RAB10: variants seen among roughly 807,000 people sequenced by gnomAD.
RAB10 encodes the protein ras-related protein Rab-10.
RAB10 carries 5 observed loss-of-function variants against 25.7 expected under a neutral mutation model. The observed-to-expected ratio is 0.19, with a 90% CI of 0.10 to 0.41. The LOEUF is 0.41. Among genes scored for constraint, RAB10 ranks in the 10% least tolerant of loss-of-function variants. The pLI is 1.00. For synonymous variants in RAB10, 89 were observed against 86.4 expected, an observed-to-expected ratio of 1.03 and a Z score of -0.16; for missense variants, 103 against 245.8, an observed-to-expected ratio of 0.42 and a Z score of 3.89.
In RAB10 at chr2:26,108,879, ATATTTATTTATT is replaced by A. The variant is rs72232011; in HGVS notation, c.189-851_189-840del. On this transcript the variant is annotated intron_variant, in intron 2 of 5. Coordinates refer to ENST00000264710, the MANE Select transcript of RAB10 (RefSeq NM_016131.5). ...GGTTGAGATTGGGGTCTTTTGCTTT[ATATTTATTTATT>A]TATTTATTTATTTATTTATTTATTT... is the stretch of plus-strand genomic sequence containing the variant. Among the ~76,000 whole-genome samples the A allele has an allele frequency of 2.0e-3, 277 of 139,606 alleles. 3 individuals carry two copies. The highest frequency in any genetic ancestry group is 3.3e-3 in the East Asian group (16 of 4,896). The allele number at this position is 139,606 out of a possible 152,430, so 91.6% of individuals were successfully genotyped here.
intron 1 of RAB10, among the ~76,000 whole-genome samples, chr2:26,081,119 CTT>C (rs1486110859): frequency 2.6e-5 from 4 of 152,182 alleles, no homozygotes; most frequent in African/African-American, 9.7e-5. Context: ...CAAGCTCTCT[CTT>C]TGCCTGTTGC....
At chr2:26,124,987 G>C (rs1574563411) in intron 3 of RAB10, among the ~76,000 whole-genome samples, 1 of 152,114 alleles carries the variant, frequency 6.6e-6, no homozygotes, top group South Asian at 2.1e-4. Flanking sequence ...TATATGCCAT[G>C]TTCTGTTTAT....
chr2:26,036,602 T>G (rs954802031), intron 1 of RAB10, among the ~76,000 whole-genome samples: 6 of 151,194 alleles, frequency 4.0e-5, no homozygotes, highest in Non-Finnish European at 7.4e-5. Flanking sequence ...GAGGTTGCAG[T>G]GAGCTGAGAT....
At chr2:26,080,824 A>T (rs576129955) in intron 1 of RAB10, among the ~76,000 whole-genome samples, 12 of 152,310 alleles carry the variant, frequency 7.9e-5, no homozygotes, top group Non-Finnish European at 1.8e-4. Flanking sequence ...GGAAGACAGT[A>T]AATTTGCAAT....
chr2:26,078,888 T>C (rs1308131736), intron 1 of RAB10, among the ~76,000 whole-genome samples: 1 of 152,014 alleles, frequency 6.6e-6, no homozygotes, highest in African/African-American at 2.4e-5. Context: ...TAAAAGAAAC[T>C]TTGGAAAATA....
intron 2 of RAB10, among the ~76,000 whole-genome samples, chr2:26,106,831 G>T (rs191111265): frequency 3.9e-5 from 6 of 152,092 alleles, no homozygotes; most frequent in Non-Finnish European, 8.8e-5. Context: ...GTTGCAATGT[G>T]CCGAGATCAC....
rs968565411 is a variant in RAB10 at position 26,135,937 on chromosome 2, A to C, written c.*916A>C. On this transcript the variant is annotated 3_prime_UTR_variant, in exon 6 of 6. Coordinates refer to ENST00000264710, the MANE Select transcript of RAB10 (RefSeq NM_016131.5). Reference sequence around the variant, plus strand: ...ACGGAAAGATAAGTTCTAACTGCCTACTATCCAATGTCAGTTAATTGGTGT... The same window carrying C: ...ACGGAAAGATAAGTTCTAACTGCCTCCTATCCAATGTCAGTTAATTGGTGT... 13 of 152,636 alleles carry C rather than the reference A, an allele frequency of 8.5e-5. No individual in the cohort carries two copies. Among genetic ancestry groups the C allele is most frequent in the African/African-American group, 3.1e-4 (13 of 41,456 alleles). 9.5% of individuals were successfully genotyped at this position (152,636 alleles called of 1,614,324 possible).
At chr2:26,086,944 T>C (rs1048398475) in intron 1 of RAB10, among the ~76,000 whole-genome samples, 20 of 152,016 alleles carry the variant, frequency 1.3e-4, no homozygotes, top group African/African-American at 4.8e-4. Flanking sequence ...AGAATACAGA[T>C]GAGTGGTTTC....
At chr2:26,036,435 C>T (rs1169469337) in intron 1 of RAB10, among the ~76,000 whole-genome samples, 1 of 151,986 alleles carries the variant, frequency 6.6e-6, no homozygotes, top group Non-Finnish European at 1.5e-5. Flanking sequence ...CCTTGGCGGG[C>T]GGATCACAAG....
At chr2:26,039,976 T>G (rs970370399) in intron 1 of RAB10, among the ~76,000 whole-genome samples, 6 of 152,140 alleles carry the variant, frequency 3.9e-5, no homozygotes, top group Non-Finnish European at 8.8e-5. Context: ...AAAAAATAAA[T>G]TTTAAAGAGG....
In RAB10 at chr2:26,098,109, C is replaced by CTTTTTTTTTTTTTTTTTTTTTTTT. The variant is rs57174956; in HGVS notation, c.128-548_128-525dup. Among the ~76,000 whole-genome samples the CTTTTTTTTTTTTTTTTTTTTTTTT allele has an allele frequency of 1.0e-3, 55 of 52,728 alleles. 1 individual carries two copies. The highest frequency in any genetic ancestry group is 1.7e-3 in the South Asian group (2 of 1,186). The allele number at this position is 52,728 out of a possible 152,430, so 34.6% of individuals were successfully genotyped here. A position where few individuals can be genotyped will look rare whatever the true frequency, so the allele number is the denominator to read the frequency against. ...CTTCTTTTTCTTTCTTTCTTTCTTTCTTTTTTTTTTTTTTTTTTTTTTTTT... is the reference window on the plus strand; with the variant it reads ...CTTCTTTTTCTTTCTTTCTTTCTTTCTTTTTTTTTTTTTTTTTTTTTTTTTTTTTTTTTTTTTTTTTTTTTTTTT... On this transcript the variant is annotated intron_variant, in intron 1 of 5. Transcript: ENST00000264710.
chr2:26,104,601 C>T (rs1301360371), intron 2 of RAB10, among the ~76,000 whole-genome samples: 1 of 151,924 alleles, frequency 6.6e-6, no homozygotes, highest in Non-Finnish European at 1.5e-5. Flanking sequence ...CCTGTTTTTT[C>T]TTTTGTTGTT....
chr2:26,127,734 AT>A (rs1328383217), intron 4 of RAB10, 115 bp from the exon 5 acceptor site: 2 of 688,052 alleles, frequency 2.9e-6, no homozygotes, highest in Non-Finnish European at 5.1e-6. Flanking sequence ...ATTCTGTGTT[AT>A]ATATTCTAGT....
intron 1 of RAB10, 45 bp downstream of exon 1, chr2:26,034,780 C>T: frequency 6.2e-7 from 1 of 1,608,626 alleles, no homozygotes; most frequent in South Asian, 1.1e-5. Flanking sequence ...TAGCTGCATA[C>T]CGTTTATTTT....
intron 1 of RAB10, among the ~76,000 whole-genome samples, chr2:26,088,402 CA>C (rs1303954951): frequency 6.6e-6 from 1 of 151,662 alleles, no homozygotes; most frequent in Non-Finnish European, 1.5e-5. Flanking sequence ...TAAGCAAAAC[CA>C]AAAAAGGAAT....
chr2:26,075,234 C>G (rs1666708187), intron 1 of RAB10, among the ~76,000 whole-genome samples: 1 of 152,154 alleles, frequency 6.6e-6, no homozygotes, highest in Non-Finnish European at 1.5e-5. Context: ...ACCTTTCTGT[C>G]TCTTTTTTTC....
chr2:26,119,687 A>G (rs1264565908), intron 3 of RAB10, among the ~76,000 whole-genome samples: 4 of 152,030 alleles, frequency 2.6e-5, no homozygotes, highest in African/African-American at 9.7e-5. Flanking sequence ...ATGTCTGGCT[A>G]ATTTTTATTT....
intron 1 of RAB10, among the ~76,000 whole-genome samples, chr2:26,057,800 T>C (rs1666300085): frequency 6.6e-6 from 1 of 152,154 alleles, no homozygotes; most frequent in Non-Finnish European, 1.5e-5. Flanking sequence ...ATTTTTGTAT[T>C]GTTAGTAGAG....
intron 1 of RAB10, among the ~76,000 whole-genome samples, chr2:26,042,470 T>C (rs1665913245): frequency 1.3e-5 from 2 of 151,798 alleles, no homozygotes; most frequent in Non-Finnish European, 2.9e-5. Context: ...ACCCCATCTC[T>C]ACAAAAAAAA....
Sources: allele counts gnomAD v4.1 joint callset (sites outside exome capture counted in the v4.1 genomes callset), GRCh38; gene constraint gnomAD v4.1.1; transcripts MANE v1.5; gene names NCBI Gene and HGNC (gene_info 2026-07-23, HGNC 2026-07-21).